Variants in BMP3 observed in about 807,000 individuals in gnomAD.
The protein encoded by BMP3 is bone morphogenetic protein 3, also known as bone morphogenetic protein 3 (osteogenic).
In BMP3, 23 loss-of-function variants were observed where a neutral mutation model predicts 38.1. The observed-to-expected ratio is 0.60, with a 90% CI of 0.43 to 0.86. The LOEUF (loss-of-function observed/expected upper bound fraction) is 0.86. Among genes scored for constraint, BMP3 ranks in the 40% least tolerant of loss-of-function variants. The pLI is 0.00. For missense variants in BMP3, 628 were observed against 579.6 expected (o/e 1.08, Z -0.86); for synonymous variants, 258 against 225.7 (o/e 1.14, Z -1.28).
intron 1 of BMP3, among the ~76,000 whole-genome samples, chr4:81,041,046 G>A (rs1344406793): frequency 6.6e-6 from 1 of 152,136 alleles, no homozygotes; most frequent in Non-Finnish European, 1.5e-5. Flanking sequence ...CATAGATAAA[G>A]CTGTGCTACA....
chr4:81,034,859 A>G (rs1036831292), intron 1 of BMP3, among the ~76,000 whole-genome samples: 2 of 152,172 alleles, frequency 1.3e-5, no homozygotes, highest in Admixed American at 1.3e-4. Flanking sequence ...CAAAGATAGT[A>G]TATAACTAAG....
At chr4:81,047,889 C>T (rs1228538692) in intron 2 of BMP3, among the ~76,000 whole-genome samples, 1 of 139,322 alleles carries the variant, frequency 7.2e-6, no homozygotes, top group African/African-American at 2.7e-5. Context: ...GCTCTGATTG[C>T]ACTACTGCAC....
In BMP3 at chr4:81,031,251, G is replaced by A; in HGVS notation, c.-34G>A. ...CGCCTTCGGAGTGTCCCGCAGCGAC[G>A]CCGGGAGCCGACGCGCCGCGCGGGT... On this transcript the variant is annotated 5_prime_UTR_variant, in exon 1 of 3. Transcript: ENST00000282701. 1 of 1,542,146 alleles carries A rather than the reference G, an allele frequency of 6.5e-7. No homozygotes were observed. Among genetic ancestry groups the A allele is most frequent in the Non-Finnish European group, 8.7e-7 (1 of 1,144,104 alleles).
intron 1 of BMP3, among the ~76,000 whole-genome samples, chr4:81,039,902 A>T (rs1740024924): frequency 6.6e-6 from 1 of 152,174 alleles, no homozygotes; most frequent in South Asian, 2.1e-4. Context: ...TAGAGGCAGG[A>T]TCCTAGCCAA....
At chr4:81,032,987 G>C (rs1739820118) in intron 1 of BMP3, among the ~76,000 whole-genome samples, 1 of 152,158 alleles carries the variant, frequency 6.6e-6, no homozygotes, top group African/African-American at 2.4e-5. Flanking sequence ...CCTGACAGCT[G>C]ACTACACCAG....
intron 2 of BMP3, among the ~76,000 whole-genome samples, chr4:81,051,479 TTAAAA>T (rs1740398497): frequency 6.6e-6 from 1 of 152,170 alleles, no homozygotes; most frequent in South Asian, 2.1e-4. Flanking sequence ...TCATTAAACA[TTAAAA>T]TAACAGAATA....
chr4:81,046,730 G>A (rs371446463), intron 2 of BMP3, 82 bp downstream of exon 2: 29 of 1,464,942 alleles, frequency 2.0e-5, no homozygotes, highest in Admixed American at 1.1e-4. Context: ...GTGCATATAG[G>A]GGGTTTGTGT....
Position 81,046,009 on chromosome 4 carries a change from C to A in BMP3, c.588C>A (p.Ser196=). 1 of 1,614,142 alleles carries A rather than the reference C, an allele frequency of 6.2e-7. No individual in the cohort carries two copies. The highest frequency in any genetic ancestry group is 8.5e-7 in the Non-Finnish European group (1 of 1,180,024). ...CCAAATCTCATCGAGATATTATGTC[C>A]TGGCTGTCTAAAGATATCACTCAAC... ...DMAKSHRDIM[S]WLSKDITQLL... The change falls in exon 2 of 3, where the codon TCC becomes TCA. Residue 196 remains serine (S), a synonymous_variant. Coordinates refer to ENST00000282701, the MANE Select transcript of BMP3 (RefSeq NM_001201.5).
intron 1 of BMP3, among the ~76,000 whole-genome samples, chr4:81,032,208 A>AAC (rs1739795426): frequency 6.6e-6 from 1 of 150,414 alleles, no homozygotes; most frequent in East Asian, 2.0e-4. Context: ...AAAAAAAAAA[A>AAC]AAAAAAAAAA....
intron 1 of BMP3, among the ~76,000 whole-genome samples, chr4:81,041,880 G>C (rs375062513): frequency 5.2e-4 from 79 of 151,910 alleles, no homozygotes; most frequent in African/African-American, 1.8e-3. Flanking sequence ...AAAGTTAATG[G>C]CTCCCAATTC....
intron 1 of BMP3, among the ~76,000 whole-genome samples, chr4:81,040,780 G>A (rs1740051817): frequency 6.6e-6 from 1 of 152,094 alleles, no homozygotes; most frequent in Admixed American, 6.5e-5. Context: ...GATCAGTGTA[G>A]CATACAATTA....
In BMP3 at chr4:81,055,531, G is replaced by A. The variant is rs1275175666; in HGVS notation, c.*1995G>A. 1 of 152,166 alleles carries A rather than the reference G, an allele frequency of 6.6e-6. No individual in the cohort carries two copies. Among genetic ancestry groups the A allele is most frequent in the Non-Finnish European group, 1.5e-5 (1 of 68,028 alleles). The allele number at this position is 152,166 out of a possible 1,614,324, so 9.4% of individuals were successfully genotyped here. The stretch of plus-strand genomic sequence containing the variant: ...TGTTCTCAAACATTTGAAAATAAAA[G>A]TATATGATAGAAGGGGGCCAGAGTG... On this transcript the variant is annotated 3_prime_UTR_variant, in exon 3 of 3. Transcript: ENST00000282701.
chr4:81,056,265 C>G lies in BMP3; in HGVS notation c.*2729C>G, dbSNP rs1378430913. ...ATAATACTCTCTCTCTCTCTTCCCC[C>G]ACAAGTAATCTCTCTACCCCATGCA... is the stretch of plus-strand genomic sequence containing the variant. On this transcript the variant is annotated 3_prime_UTR_variant, in exon 3 of 3. Coordinates refer to ENST00000282701, the MANE Select transcript of BMP3 (RefSeq NM_001201.5). 6.6e-6 allele frequency: 1 copy of G among 152,004 alleles called. No individual in the cohort carries two copies. The highest frequency in any genetic ancestry group is 1.5e-5 in the Non-Finnish European group (1 of 68,006). The allele number at this position is 152,004 out of a possible 1,614,324, so 9.4% of individuals were successfully genotyped here. A position where few individuals can be genotyped will look rare whatever the true frequency, so the allele number is the denominator to read the frequency against.
Position 81,045,785 on chromosome 4 carries a change from A to C in BMP3, c.364A>C (p.Thr122Pro), listed in dbSNP as rs750139819. The change falls in exon 2 of 3, where the codon ACC becomes CCC. Residue 122 changes from threonine to proline, a missense_variant. Physicochemically the swap from Thr to Pro is conservative, Grantham distance 38. Coordinates refer to ENST00000282701, the MANE Select transcript of BMP3 (RefSeq NM_001201.5). ...GLYIFNLTSL[T>P]KSENILSATL... ...GTATATCTTCAATCTGACATCGCTA[A>C]CCAAGTCTGAAAACATTTTGTCTGC... 1.9e-6 allele frequency: 3 copies of C among 1,613,016 alleles called. No individual in the cohort carries two copies. The highest frequency in any genetic ancestry group is 1.1e-5 in the South Asian group (1 of 90,716).
chr4:81,038,842 T>A (rs1436385991), intron 1 of BMP3, among the ~76,000 whole-genome samples: 1 of 152,208 alleles, frequency 6.6e-6, no homozygotes, highest in Non-Finnish European at 1.5e-5. Context: ...AATTCAAAGA[T>A]CTATAGAACA....
chr4:81,038,614 A>G (rs535462757), intron 1 of BMP3, among the ~76,000 whole-genome samples: 13 of 152,344 alleles, frequency 8.5e-5, no homozygotes, highest in Admixed American at 3.3e-4. Context: ...GATTATAATA[A>G]TTCTTTTCTA....
chr4:81,031,365 A>G lies in BMP3; in HGVS notation c.81A>G (p.Pro27=), dbSNP rs887202779. The G allele has an allele frequency of 3.9e-5, 63 of 1,613,058 alleles. No homozygotes were observed. The highest frequency in any genetic ancestry group is 5.0e-5 in the Non-Finnish European group (59 of 1,179,740). The change falls in exon 1 of 3, where the codon CCA becomes CCG. Residue 27 remains proline (P), a synonymous_variant. Coordinates refer to ENST00000282701, the MANE Select transcript of BMP3 (RefSeq NM_001201.5). The part of the protein sequence containing the change: ...VSLAQGERPK[P]PFPELRKAVP... ...TGGCGCAGGGAGAGAGACCGAAGCC[A>G]CCTTTCCCGGAGCTCCGCAAAGCTG... is the stretch of plus-strand genomic sequence containing the variant.
intron 2 of BMP3, among the ~76,000 whole-genome samples, chr4:81,049,396 A>AG (rs1278059966): frequency 1.3e-5 from 2 of 152,106 alleles, no homozygotes; most frequent in African/African-American, 2.4e-5. Context: ...GGAGAGTAAG[A>AG]GAATCAGGAG....
chr4:81,031,046 C>T lies in BMP3; in HGVS notation c.-239C>T, dbSNP rs1739737413. On this transcript the variant is annotated 5_prime_UTR_variant, in exon 1 of 3. Transcript: ENST00000282701. ...TGGAGTGGAGACGGCGCCCGCAGCG[C>T]CCTGCGCGGGTGAGGTCCGCGCAGC... 3.8e-6 allele frequency: 2 copies of T among 520,746 alleles called. No individual in the cohort carries two copies. Among genetic ancestry groups the T allele is most frequent in the Non-Finnish European group, 6.7e-6 (2 of 300,376 alleles). The allele number at this position is 520,746 out of a possible 1,614,324, so 32.3% of individuals were successfully genotyped here. A position where few individuals can be genotyped will look rare whatever the true frequency, so the allele number is the denominator to read the frequency against.
Sources: gnomAD v4.1 joint callset for allele counts (sites outside exome capture counted in the v4.1 genomes callset) on GRCh38, gnomAD v4.1.1 for gene constraint, MANE v1.5 for transcripts, NCBI Gene and HGNC (gene_info 2026-07-23, HGNC 2026-07-21) for gene names.